AHCYL2: variants seen among roughly 807,000 people sequenced by gnomAD.
AHCYL2 encodes adenosylhomocysteinase like 2, also known as S-adenosylhomocysteine hydrolase-like protein 2.
In AHCYL2, 28 loss-of-function variants were observed where a neutral mutation model predicts 81.4. The observed-to-expected ratio is 0.34, with a 90% CI of 0.25 to 0.47. The LOEUF is 0.47. Ranked by LOEUF, AHCYL2 falls within the 20% of genes least tolerant of loss-of-function variation. The pLI is 1.00. For synonymous variants in AHCYL2, 272 were observed against 290.2 expected, an observed-to-expected ratio of 0.94 and a Z score of 0.64; for missense variants, 551 against 785.1, an observed-to-expected ratio of 0.70 and a Z score of 3.56.
chr7:129,257,417 A>G (rs1795466382), intron 1 of AHCYL2, among the ~76,000 whole-genome samples: 1 of 152,068 alleles, frequency 6.6e-6, no homozygotes, highest in Admixed American at 6.5e-5. Flanking sequence ...GTGACAACTG[A>G]TATGAAGAGC....
chr7:129,243,589 T>C (rs1457090832), intron 1 of AHCYL2, among the ~76,000 whole-genome samples: 1 of 151,994 alleles, frequency 6.6e-6, no homozygotes, highest in Non-Finnish European at 1.5e-5. Flanking sequence ...TGTTTTGTTT[T>C]GTTTTGTTTT....
chr7:129,319,060 A>ACCCT (rs1797925656), intron 1 of AHCYL2, among the ~76,000 whole-genome samples: 1 of 152,208 alleles, frequency 6.6e-6, no homozygotes, highest in Admixed American at 6.5e-5. Flanking sequence ...AGAACTCTAA[A>ACCCT]AATCAGTGAG....
At chr7:129,235,851 GT>G (rs1794624655) in intron 1 of AHCYL2, among the ~76,000 whole-genome samples, 1 of 151,928 alleles carries the variant, frequency 6.6e-6, no homozygotes, top group African/African-American at 2.4e-5. Flanking sequence ...AGTCTATATT[GT>G]TGTTTCTTAA....
chr7:129,267,174 T>C lies in AHCYL2; in HGVS notation c.363+41735T>C, dbSNP rs140307769. 2.8e-3 allele frequency among the ~76,000 whole-genome samples: 425 copies of C among 151,522 alleles called. 4 individuals carry two copies. The highest frequency in any genetic ancestry group is 9.7e-3 in the African/African-American group (400 of 41,276). On this transcript the variant is annotated intron_variant, in intron 1 of 16. Coordinates refer to ENST00000325006, the MANE Select transcript of AHCYL2 (RefSeq NM_015328.4). ...TGAAATTTAACATGAGTGGGGTGTG[T>C]GGTGTATGTATGAGAGAGAGTAGTA...
chr7:129,336,038 T>C (rs1389297571), intron 1 of AHCYL2, among the ~76,000 whole-genome samples: 1 of 146,340 alleles, frequency 6.8e-6, no homozygotes, highest in Non-Finnish European at 1.5e-5. Context: ...TCTTTTCTTT[T>C]CTCTTCTCTT....
intron 1 of AHCYL2, among the ~76,000 whole-genome samples, chr7:129,283,212 C>T (rs1010634254): frequency 6.6e-6 from 1 of 152,164 alleles, no homozygotes; most frequent in Non-Finnish European, 1.5e-5. Flanking sequence ...ATCTCTTCAA[C>T]GAAGATAGCC....
chr7:129,304,694 C>T (rs1026297899), intron 1 of AHCYL2, among the ~76,000 whole-genome samples: 1 of 152,084 alleles, frequency 6.6e-6, no homozygotes, highest in Non-Finnish European at 1.5e-5. Flanking sequence ...GATACAAATA[C>T]AGTTAGTCTT....
intron 1 of AHCYL2, among the ~76,000 whole-genome samples, chr7:129,289,245 A>G (rs926860955): frequency 2.6e-5 from 4 of 152,140 alleles, no homozygotes; most frequent in South Asian, 2.1e-4. Context: ...GTGTGCCACA[A>G]TGCCTAGCTA....
chr7:129,368,039 A>G lies in AHCYL2; in HGVS notation c.364-11599A>G, dbSNP rs1188476132. On this transcript the variant is annotated intron_variant, in intron 1 of 16. Transcript: ENST00000325006. This position sits in a 1 kb window ranked among gnomAD's most constrained non-coding sequence, Gnocchi z 4.4. ...GAAATGGGAGTGCCTTCCTGACCTCAGTCTTTATTGATCTTGGTATCCGCA... is the reference window on the plus strand; with the variant it reads ...GAAATGGGAGTGCCTTCCTGACCTCGGTCTTTATTGATCTTGGTATCCGCA... 9.7e-6 allele frequency: 9 copies of G among 931,234 alleles called. No individual in the cohort carries two copies. Among genetic ancestry groups the G allele is most frequent in the Non-Finnish European group, 1.2e-5 (9 of 779,684 alleles). 57.7% of individuals were successfully genotyped at this position (931,234 alleles called of 1,614,324 possible).
chr7:129,426,647 C>A lies in AHCYL2; in HGVS notation c.1829+84C>A. On this transcript the variant is annotated intron_variant, in intron 16 of 16. Coordinates refer to ENST00000325006, the MANE Select transcript of AHCYL2 (RefSeq NM_015328.4). The surrounding 1 kb of genome is among the most constrained non-coding windows in gnomAD (Gnocchi z 4.3). ...GAATTGGTCTTTGCATCCCCAACCA[C>A]ATATGCTTACATGAACTCAGAAAAA... 2 of 1,532,310 alleles carry A rather than the reference C, an allele frequency of 1.3e-6. No homozygotes were observed. The highest frequency in any genetic ancestry group is 1.8e-6 in the Non-Finnish European group (2 of 1,141,112). 94.9% of individuals were successfully genotyped at this position (1,532,310 alleles called of 1,614,324 possible).
intron 1 of AHCYL2, among the ~76,000 whole-genome samples, chr7:129,245,908 C>A (rs182322039): frequency 1.2e-4 from 19 of 152,250 alleles, no homozygotes; most frequent in African/African-American, 4.1e-4. Context: ...TTATTTCTGA[C>A]GTTTTGCAAA....
intron 1 of AHCYL2, among the ~76,000 whole-genome samples, chr7:129,267,637 A>G (rs568344239): frequency 3.3e-4 from 50 of 152,266 alleles, no homozygotes; most frequent in African/African-American, 1.2e-3. Flanking sequence ...GTTAGCATCA[A>G]TAGTATATTG....
At chr7:129,314,419 C>T (rs117425729) in intron 1 of AHCYL2, among the ~76,000 whole-genome samples, 5 of 152,306 alleles carry the variant, frequency 3.3e-5, no homozygotes, top group Non-Finnish European at 7.3e-5. Flanking sequence ...CCCATTCAGG[C>T]TGTATACAAA....
intron 10 of AHCYL2, 148 bp from the exon 11 acceptor site, chr7:129,409,328 C>G: frequency 1.8e-6 from 1 of 566,906 alleles, no homozygotes; most frequent in Non-Finnish European, 3.1e-6. Context: ...CTTGTATGAA[C>G]TAAGGAAATT....
At chr7:129,234,331 G>A (rs1177043859) in intron 1 of AHCYL2, among the ~76,000 whole-genome samples, 6 of 151,936 alleles carry the variant, frequency 3.9e-5, no homozygotes, top group Non-Finnish European at 7.4e-5. Context: ...TGCAACCTCC[G>A]CCTCGTGAGT....
Position 129,368,121 on chromosome 7 carries a change from G to A in AHCYL2, c.364-11517G>A. ...GAATTCACAAGTGCCTCACACACAG[G>A]GAAAGAAGGAAGTCCAACTATTGCT... is the stretch of plus-strand genomic sequence containing the variant. On this transcript the variant is annotated intron_variant, in intron 1 of 16. Coordinates refer to ENST00000325006, the MANE Select transcript of AHCYL2 (RefSeq NM_015328.4). The surrounding 1 kb of genome is among the most constrained non-coding windows in gnomAD (Gnocchi z 4.4). 3 of 1,031,884 alleles carry A rather than the reference G, an allele frequency of 2.9e-6. No homozygotes were observed. The South Asian group carries it at 1.2e-4, about 42-fold the overall frequency. The allele number at this position is 1,031,884 out of a possible 1,614,324, so 63.9% of individuals were successfully genotyped here.
chr7:129,316,282 G>A (rs932615779), intron 1 of AHCYL2, among the ~76,000 whole-genome samples: 2 of 152,192 alleles, frequency 1.3e-5, no homozygotes, highest in Non-Finnish European at 2.9e-5. Context: ...AGCATGCAGG[G>A]TTGACTGAAT....
chr7:129,377,816 G>A (rs564018410), intron 1 of AHCYL2, among the ~76,000 whole-genome samples: 39 of 152,238 alleles, frequency 2.6e-4, no homozygotes, highest in African/African-American at 9.1e-4. Flanking sequence ...TAAAGTATCA[G>A]CTGGAACCTC....
At chr7:129,323,030 T>G (rs756520036) in intron 1 of AHCYL2, among the ~76,000 whole-genome samples, 1 of 152,230 alleles carries the variant, frequency 6.6e-6, no homozygotes, top group Non-Finnish European at 1.5e-5. Flanking sequence ...TTCATTGATC[T>G]TCTCAAAGAA....
Sources: gnomAD v4.1 joint callset for allele counts (sites outside exome capture counted in the v4.1 genomes callset) on GRCh38, gnomAD v4.1.1 for gene constraint, Gnocchi (gnomAD v3.1) non-coding constraint, MANE v1.5 for transcripts, NCBI Gene and HGNC (gene_info 2026-07-23, HGNC 2026-07-21) for gene names.